PDGFD: variants seen among roughly 807,000 people sequenced by gnomAD.
PDGFD encodes platelet derived growth factor D.
PDGFD carries 30 observed loss-of-function variants against 44.7 expected under a neutral mutation model. That is an observed-to-expected ratio of 0.67 (90% CI 0.50 to 0.91). PDGFD has a LOEUF of 0.91. Among genes scored for constraint, PDGFD ranks in the 40% least tolerant of loss-of-function variants. The pLI, the probability that PDGFD is intolerant of heterozygous loss-of-function variation, is 0.00. For missense variants in PDGFD, 445 were observed against 457.8 expected, an observed-to-expected ratio of 0.97 and a Z score of 0.25; for synonymous variants, 173 against 168.4, an observed-to-expected ratio of 1.03 and a Z score of -0.21.
Position 104,000,112 on chromosome 11 carries a change from G to T in PDGFD, c.268C>A (p.Arg90=). 6.2e-7 allele frequency: 1 copy of T among 1,613,848 alleles called. No individual in the cohort carries two copies. Among genetic ancestry groups the T allele is most frequent in the Non-Finnish European group, 8.5e-7 (1 of 1,179,974 alleles). The change falls in exon 2 of 7, where the codon CGG becomes AGG. Residue 90 remains arginine, a synonymous_variant. Coordinates refer to ENST00000393158, the MANE Select transcript of PDGFD (RefSeq NM_025208.5). Reference sequence around the variant, plus strand: ...TGATTGTCAAACACTAGCTGTATCCGTGTATTCTCCTGAGAGTGAAGCCGC... The same window carrying T: ...TGATTGTCAAACACTAGCTGTATCCTTGTATTCTCCTGAGAGTGAAGCCGC... The part of the protein sequence containing the change: ...TWRLHSQENT[R]IQLVFDNQFG...
intron 1 of PDGFD, among the ~76,000 whole-genome samples, chr11:104,112,816 A>C (rs954620263): frequency 2.0e-5 from 3 of 152,118 alleles, no homozygotes; most frequent in Admixed American, 6.6e-5. Flanking sequence ...GTAGGAGCTA[A>C]ATGATGAGAA....
At chr11:104,053,197 G>T (rs375724797) in intron 1 of PDGFD, among the ~76,000 whole-genome samples, 57 of 152,164 alleles carry the variant, frequency 3.7e-4, no homozygotes, top group African/African-American at 1.3e-3. Context: ...GGGGAAAAAA[G>T]GTCCTTTTTA....
At chr11:104,051,160 C>T (rs544382192) in intron 1 of PDGFD, among the ~76,000 whole-genome samples, 2 of 152,252 alleles carry the variant, frequency 1.3e-5, no homozygotes, top group Middle Eastern at 6.8e-3. Context: ...AGCAATTAAA[C>T]ATAAATGCTG....
chr11:103,942,107 G>A lies in PDGFD; in HGVS notation c.772+1345C>T, dbSNP rs563261434. Among the ~76,000 whole-genome samples, 4 of 152,110 alleles carry A rather than the reference G, an allele frequency of 2.6e-5. No homozygotes were observed. In the South Asian group the frequency reaches 8.3e-4, roughly 32 times the overall value. ...GGCCCAGGCAGGAGTTAACTAATTAGTCATTTTGTCCCAAATGTTATAAAT... is the reference window on the plus strand; with the variant it reads ...GGCCCAGGCAGGAGTTAACTAATTAATCATTTTGTCCCAAATGTTATAAAT... On this transcript the variant is annotated intron_variant, in intron 5 of 6. Transcript: ENST00000393158.
intron 1 of PDGFD, among the ~76,000 whole-genome samples, chr11:104,032,071 T>C (rs965664035): frequency 5.9e-5 from 9 of 152,088 alleles, no homozygotes; most frequent in Admixed American, 2.0e-4. Context: ...GATGTGTTGA[T>C]AGGTGATGCA....
chr11:103,959,243 G>T (rs537345738), intron 3 of PDGFD, among the ~76,000 whole-genome samples: 133 of 152,130 alleles, frequency 8.7e-4, no homozygotes, highest in Non-Finnish European at 1.4e-3. Context: ...CATCAGAGCT[G>T]CCACCCATCA....
chr11:104,090,189 A>G (rs1370594073), intron 1 of PDGFD, among the ~76,000 whole-genome samples: 1 of 152,196 alleles, frequency 6.6e-6, no homozygotes, highest in African/African-American at 2.4e-5. Context: ...GACAGCAACC[A>G]CAATAAAAAG....
At chr11:104,157,231 G>T (rs918013394) in intron 1 of PDGFD, among the ~76,000 whole-genome samples, 2 of 152,106 alleles carry the variant, frequency 1.3e-5, no homozygotes, top group African/African-American at 4.8e-5. Flanking sequence ...TTGGGGATTT[G>T]GGTTTAAGAA....
Position 103,909,509 on chromosome 11 carries a change from G to C in PDGFD, c.*185C>G, listed in dbSNP as rs1857994188. 3.1e-6 allele frequency: 2 copies of C among 655,652 alleles called. No homozygotes were observed. The highest frequency in any genetic ancestry group is 5.3e-6 in the Non-Finnish European group (2 of 379,900). The allele number at this position is 655,652 out of a possible 1,614,324, so 40.6% of individuals were successfully genotyped here. The stretch of plus-strand genomic sequence containing the variant: ...CAATCCTATATTCTTAGGTATAGAA[G>C]TTGATGATATACCTTTCTACTTGCC... On this transcript the variant is annotated 3_prime_UTR_variant, in exon 7 of 7. Coordinates refer to ENST00000393158, the MANE Select transcript of PDGFD (RefSeq NM_025208.5).
intron 5 of PDGFD, among the ~76,000 whole-genome samples, chr11:103,934,103 C>T (rs528931477): frequency 2.0e-4 from 30 of 152,328 alleles, no homozygotes; most frequent in Admixed American, 7.8e-4. Flanking sequence ...TTGCAGCCAA[C>T]AAGGCCAAGT....
chr11:104,061,670 C>T (rs1020595229), intron 1 of PDGFD, among the ~76,000 whole-genome samples: 1 of 152,154 alleles, frequency 6.6e-6, no homozygotes, highest in Non-Finnish European at 1.5e-5. Flanking sequence ...AGTGCAGTGG[C>T]GTGATCTCAG....
intron 3 of PDGFD, among the ~76,000 whole-genome samples, chr11:103,976,270 A>C (rs1415790961): frequency 6.6e-6 from 1 of 151,938 alleles, no homozygotes; most frequent in Non-Finnish European, 1.5e-5. Flanking sequence ...TTGTATTCCT[A>C]GGTATTTTTT....
chr11:104,150,794 T>G (rs144100443), intron 1 of PDGFD, among the ~76,000 whole-genome samples: 1 of 152,284 alleles, frequency 6.6e-6, no homozygotes, highest in East Asian at 1.9e-4. Context: ...TAAGGACACT[T>G]GTGACTGCAT....
chr11:103,924,957 T>C (rs1017421089), intron 6 of PDGFD, among the ~76,000 whole-genome samples: 1 of 152,048 alleles, frequency 6.6e-6, no homozygotes, highest in East Asian at 1.9e-4. Flanking sequence ...ATGCTATCCC[T>C]CCCCCAACCC....
At chr11:103,989,856 A>T (rs1320962837) in intron 3 of PDGFD, among the ~76,000 whole-genome samples, 1 of 152,318 alleles carries the variant, frequency 6.6e-6, no homozygotes, top group South Asian at 2.1e-4. Context: ...ATGCACTATG[A>T]TAAAACATAC....
At chr11:103,998,302 G>A (rs1859567306) in intron 2 of PDGFD, among the ~76,000 whole-genome samples, 1 of 152,108 alleles carries the variant, frequency 6.6e-6, no homozygotes, top group Admixed American at 6.6e-5. Context: ...CTTCAGAATG[G>A]AGGCTCATCA....
At chr11:104,151,845 T>C (rs1003659904) in intron 1 of PDGFD, among the ~76,000 whole-genome samples, 1 of 152,084 alleles carries the variant, frequency 6.6e-6, no homozygotes, top group African/African-American at 2.4e-5. Flanking sequence ...CCAATACAGA[T>C]TTTTTTCTAT....
At chr11:104,002,187 C>G (rs1365106514) in intron 1 of PDGFD, among the ~76,000 whole-genome samples, 1 of 152,142 alleles carries the variant, frequency 6.6e-6, no homozygotes, top group Non-Finnish European at 1.5e-5. Context: ...GCTTAAAGAT[C>G]AGCTGCGAAA....
At chr11:103,910,900 C>T (rs545600628) in intron 6 of PDGFD, among the ~76,000 whole-genome samples, 4 of 152,028 alleles carry the variant, frequency 2.6e-5, no homozygotes, top group South Asian at 2.1e-4. Flanking sequence ...AGGGGAGGGG[C>T]GTCTGCCATT....
Sources: gnomAD v4.1 joint callset for allele counts (sites outside exome capture counted in the v4.1 genomes callset) on GRCh38, gnomAD v4.1.1 for gene constraint, MANE v1.5 for transcripts, NCBI Gene and HGNC (gene_info 2026-07-23, HGNC 2026-07-21) for gene names.